ADGRB3: variants seen among roughly 807,000 people sequenced by gnomAD.
The protein encoded by ADGRB3 is adhesion G protein-coupled receptor B3, also known as brain-specific angiogenesis inhibitor 3.
A neutral mutation model predicts 193.4 loss-of-function variants in ADGRB3; 37 were observed. That is an observed-to-expected ratio of 0.19 (90% CI 0.15 to 0.25). The LOEUF is 0.25. Among genes scored for constraint, ADGRB3 ranks in the 10% least tolerant of loss-of-function variants. ADGRB3 has a pLI of 1.00. For missense variants in ADGRB3, 1,637 were observed against 1,852.9 expected (o/e 0.88, Z 2.14); for synonymous variants, 690 against 644.2 (o/e 1.07, Z -1.08).
At chr6:68,935,504 TGA>T in intron 4 of ADGRB3, among the ~76,000 whole-genome samples, 1 of 152,298 alleles carries the variant, frequency 6.6e-6, no homozygotes, top group South Asian at 2.1e-4. Context: ...TACTAATCAG[TGA>T]TACAAAGTTT....
intron 17 of ADGRB3, among the ~76,000 whole-genome samples, chr6:69,076,590 A>T (rs1380825027): frequency 6.8e-6 from 1 of 147,300 alleles, no homozygotes. Context: ...CTTCCATGTT[A>T]TTTTTTTGTT....
chr6:68,974,165 T>C (rs1768669499), intron 8 of ADGRB3, among the ~76,000 whole-genome samples: 1 of 152,064 alleles, frequency 6.6e-6, no homozygotes, highest in African/African-American at 2.4e-5. Context: ...TCCTAAAATA[T>C]TATAAATATT....
intron 6 of ADGRB3, among the ~76,000 whole-genome samples, chr6:68,954,071 A>T (rs900295860): frequency 1.3e-5 from 2 of 152,110 alleles, no homozygotes; most frequent in African/African-American, 4.8e-5. Flanking sequence ...GGCATATGGG[A>T]TTGTGCCTTT....
intron 13 of ADGRB3, among the ~76,000 whole-genome samples, chr6:69,022,301 A>G (rs1464793837): frequency 6.6e-6 from 1 of 151,844 alleles, no homozygotes; most frequent in Admixed American, 6.6e-5. Context: ...GACTTTTTCA[A>G]TATATCAATA....
At chr6:68,705,040 A>G (rs1215684621) in intron 3 of ADGRB3, among the ~76,000 whole-genome samples, 1 of 152,190 alleles carries the variant, frequency 6.6e-6, no homozygotes, top group Non-Finnish European at 1.5e-5. Context: ...GAAATGTTGT[A>G]TTTAAAACAA....
At chr6:68,822,502 T>C (rs1256503424) in intron 3 of ADGRB3, among the ~76,000 whole-genome samples, 1 of 151,880 alleles carries the variant, frequency 6.6e-6, no homozygotes, top group Non-Finnish European at 1.5e-5. Context: ...ATAGTAAGAG[T>C]AGCTTAAAAG....
intron 3 of ADGRB3, among the ~76,000 whole-genome samples, chr6:68,748,528 T>G (rs139571290): frequency 5.3e-4 from 81 of 152,334 alleles, no homozygotes; most frequent in African/African-American, 1.7e-3. Context: ...CAGGTCACAC[T>G]GGTGCAAGAG....
chr6:69,321,451 G>A (rs1218494699), intron 20 of ADGRB3, among the ~76,000 whole-genome samples: 4 of 151,800 alleles, frequency 2.6e-5, no homozygotes, highest in African/African-American at 9.7e-5. Flanking sequence ...GACACATGGA[G>A]ACATTTGAAT....
chr6:69,375,462 A>G (rs1769796161), intron 30 of ADGRB3, among the ~76,000 whole-genome samples: 1 of 152,048 alleles, frequency 6.6e-6, no homozygotes, highest in Non-Finnish European at 1.5e-5. Flanking sequence ...TGAAAGGGTG[A>G]GGGAGCAGAA....
chr6:68,994,095 GC>G (rs1170678083), intron 11 of ADGRB3, 133 bp downstream of exon 11: 1 of 856,084 alleles, frequency 1.2e-6, no homozygotes, highest in African/African-American at 1.7e-5. Flanking sequence ...CTTAGTGTGA[GC>G]TCTGGAAATG....
At chr6:69,104,474 G>T (rs1048615051) in intron 17 of ADGRB3, among the ~76,000 whole-genome samples, 3 of 151,734 alleles carry the variant, frequency 2.0e-5, no homozygotes, top group African/African-American at 4.8e-5. Flanking sequence ...CTTTGCTATT[G>T]TGAATAATGC....
intron 3 of ADGRB3, among the ~76,000 whole-genome samples, chr6:68,913,180 C>T (rs7767583): frequency 0.69 from 105,367 of 152,092 alleles, 37,218 homozygotes; most frequent in Middle Eastern, 0.82. Flanking sequence ...TCTGACAGCT[C>T]TGAAGAGAGC....
intron 17 of ADGRB3, among the ~76,000 whole-genome samples, chr6:69,206,985 G>A (rs188616246): frequency 2.8e-4 from 43 of 152,236 alleles, no homozygotes; most frequent in African/African-American, 9.9e-4. Context: ...CACCCTAAAG[G>A]ATCTCCTGTA....
At chr6:69,371,114 C>T (rs1256039861) in intron 29 of ADGRB3, among the ~76,000 whole-genome samples, 2 of 152,068 alleles carry the variant, frequency 1.3e-5, no homozygotes, top group Non-Finnish European at 2.9e-5. Context: ...TACTTGAAGA[C>T]TGCATTTTCA....
chr6:69,076,273 C>A (rs1227168502), intron 17 of ADGRB3, among the ~76,000 whole-genome samples: 1 of 152,048 alleles, frequency 6.6e-6, no homozygotes, highest in East Asian at 1.9e-4. Context: ...AGGCACATTG[C>A]AATGTGAATT....
intron 3 of ADGRB3, among the ~76,000 whole-genome samples, chr6:68,697,644 T>A (rs1168147332): frequency 6.6e-6 from 1 of 152,004 alleles, no homozygotes; most frequent in African/African-American, 2.4e-5. Context: ...TCTTCTCTTT[T>A]AGTGAAACAA....
chr6:68,774,745 C>T (rs1029775854), intron 3 of ADGRB3, among the ~76,000 whole-genome samples: 2 of 151,964 alleles, frequency 1.3e-5, no homozygotes, highest in Middle Eastern at 3.4e-3. Flanking sequence ...GAATCCATTC[C>T]ATTTGGCTTC....
chr6:68,761,113 C>T (rs1766387054), intron 3 of ADGRB3, among the ~76,000 whole-genome samples: 1 of 152,160 alleles, frequency 6.6e-6, no homozygotes. Flanking sequence ...TCCTAAGAAA[C>T]AGGACAGCTG....
chr6:69,131,872 C>A (rs1774021849), intron 17 of ADGRB3, among the ~76,000 whole-genome samples: 1 of 150,836 alleles, frequency 6.6e-6, no homozygotes, highest in Non-Finnish European at 1.5e-5. Context: ...AGAGAACAAG[C>A]AGTGTTTGGT....
Sources: gnomAD v4.1 joint callset for allele counts (sites outside exome capture counted in the v4.1 genomes callset) on GRCh38, gnomAD v4.1.1 for gene constraint, MANE v1.5 for transcripts, NCBI Gene and HGNC (gene_info 2026-07-23, HGNC 2026-07-21) for gene names.